Variants in EEIG2 observed in about 807,000 individuals in gnomAD.
EEIG2 encodes the protein EEIG family member 2, also known as family with sequence similarity 102 member B.
the EEIG2 span, among the ~76,000 whole-genome samples, chr1:108,567,903 G>C: frequency 6.6e-6 from 1 of 152,222 alleles, no homozygotes; most frequent in South Asian, 2.1e-4. Context: ...GGAGACTGAG[G>C]TGGGAGAATC....
the EEIG2 span, among the ~76,000 whole-genome samples, chr1:108,590,275 G>GA: frequency 6.6e-6 from 1 of 151,824 alleles, no homozygotes; most frequent in African/African-American, 2.4e-5. Context: ...CTTATCCTTG[G>GA]AGTATTAAAA....
the EEIG2 span, among the ~76,000 whole-genome samples, chr1:108,585,163 A>G: frequency 1.3e-5 from 2 of 152,168 alleles, no homozygotes; most frequent in African/African-American, 4.8e-5. Flanking sequence ...GAACTCAGTA[A>G]TAACTGCAAT....
At chr1:108,589,408 TC>T in the EEIG2 span, among the ~76,000 whole-genome samples, 2 of 152,194 alleles carry the variant, frequency 1.3e-5, no homozygotes, top group African/African-American at 4.8e-5. Flanking sequence ...CTGTCTCTGC[TC>T]CTCATAGTAA....
At chr1:108,579,772 T>TGTGTGAGAGAGAGA in the EEIG2 span, among the ~76,000 whole-genome samples, 1,575 of 58,878 alleles carry the variant, frequency 0.027, 55 homozygotes, top group Admixed American at 0.041. Context: ...TGTGTGTGTG[T>TGTGTGAGAGAGAGA]GAGAGAGAGA....
the EEIG2 span, among the ~76,000 whole-genome samples, chr1:108,575,862 T>A: frequency 1.3e-5 from 2 of 152,104 alleles, no homozygotes; most frequent in Non-Finnish European, 2.9e-5. Flanking sequence ...CTTTTGGAGG[T>A]GATGAAAATG....
chr1:108,601,395 C>G, the EEIG2 span, among the ~76,000 whole-genome samples: 1 of 151,880 alleles, frequency 6.6e-6, no homozygotes, highest in African/African-American at 2.4e-5. Context: ...TCTGGCCTTG[C>G]TCTTTTCCAC....
the EEIG2 span, among the ~76,000 whole-genome samples, chr1:108,577,071 A>AT: frequency 7.1e-6 from 1 of 139,992 alleles, no homozygotes; most frequent in Admixed American, 7.2e-5. Context: ...TTTTTCATGT[A>AT]TTTTTTGGCT....
chr1:108,630,942 G>A, the EEIG2 span, among the ~76,000 whole-genome samples: 11 of 152,122 alleles, frequency 7.2e-5, no homozygotes, highest in Middle Eastern at 3.2e-3. Flanking sequence ...TCATTTTAAT[G>A]AGTACCTCCT....
the EEIG2 span, among the ~76,000 whole-genome samples, chr1:108,631,355 C>T: frequency 6.6e-6 from 1 of 152,232 alleles, no homozygotes; most frequent in African/African-American, 2.4e-5. Flanking sequence ...TTTGATGCTA[C>T]AGTAGCAGAG....
the EEIG2 span, chr1:108,635,141 C>G: frequency 6.2e-7 from 1 of 1,614,104 alleles, no homozygotes; most frequent in Non-Finnish European, 8.5e-7. Context: ...AAGTTGTGAT[C>G]AAACGCTAGA....
At chr1:108,633,907 C>T in the EEIG2 span, among the ~76,000 whole-genome samples, 2 of 152,166 alleles carry the variant, frequency 1.3e-5, no homozygotes, top group Non-Finnish European at 2.9e-5. Context: ...GACCAGCAGG[C>T]TGTGTTTGGG....
chr1:108,579,793 G>GAGAGAGAGAGAGAGAGAGAGAGAGAGAA, the EEIG2 span, among the ~76,000 whole-genome samples: 1 of 150,382 alleles, frequency 6.6e-6, no homozygotes, highest in Non-Finnish European at 1.5e-5. Flanking sequence ...GAGAGAGAGA[G>GAGAGAGAGAGAGAGAGAGAGAGAGAGAA]AGAAAGAAAC....
chr1:108,629,745 A>G, the EEIG2 span: 1 of 955,572 alleles, frequency 1.0e-6, no homozygotes, highest in Non-Finnish European at 1.7e-6. Context: ...CAAAGTTTGT[A>G]CTAGGCTGAA....
the EEIG2 span, among the ~76,000 whole-genome samples, chr1:108,597,808 A>G: frequency 5.9e-5 from 9 of 152,328 alleles, no homozygotes; most frequent in East Asian, 9.6e-4. Flanking sequence ...ATAAATTTGT[A>G]TATAATTTTG....
the EEIG2 span, among the ~76,000 whole-genome samples, chr1:108,583,196 AT>A: frequency 6.6e-6 from 1 of 151,962 alleles, no homozygotes; most frequent in African/African-American, 2.4e-5. Flanking sequence ...TCACTCTGTC[AT>A]CCAGGCTGGA....
At chr1:108,584,073 A>G in the EEIG2 span, among the ~76,000 whole-genome samples, 2 of 152,176 alleles carry the variant, frequency 1.3e-5, no homozygotes, top group African/African-American at 2.4e-5. Flanking sequence ...CCAGGTTTCA[A>G]GGGATTAGAG....
At chr1:108,610,950 C>CA in the EEIG2 span, among the ~76,000 whole-genome samples, 10 of 149,322 alleles carry the variant, frequency 6.7e-5, no homozygotes, top group Non-Finnish European at 1.0e-4. Context: ...GACTCCATCT[C>CA]AAAAAAAAAG....
chr1:108,620,989 G>A, the EEIG2 span, among the ~76,000 whole-genome samples: 1 of 152,072 alleles, frequency 6.6e-6, no homozygotes, highest in East Asian at 1.9e-4. Context: ...TAAGTTTAGG[G>A]GATGACTAGG....
the EEIG2 span, among the ~76,000 whole-genome samples, chr1:108,602,485 C>T: frequency 6.6e-6 from 1 of 152,156 alleles, no homozygotes; most frequent in African/African-American, 2.4e-5. Flanking sequence ...ACATAATTTT[C>T]CCTCTTTGCA....
Sources: gnomAD v4.1 joint callset for allele counts (sites outside exome capture counted in the v4.1 genomes callset) on GRCh38, gnomAD v4.1.1 for gene constraint, MANE v1.5 for transcripts, NCBI Gene and HGNC (gene_info 2026-07-23, HGNC 2026-07-21) for gene names.